The following SLC2A13 variants were observed in gnomAD, a reference collection of about 807,000 sequenced individuals.
The protein encoded by SLC2A13 is solute carrier family 2 member 13, also known as proton myo-inositol cotransporter.
A neutral mutation model predicts 64.4 loss-of-function variants in SLC2A13; 32 were observed. The ratio of observed to expected loss-of-function variants is 0.50; its 90% CI spans 0.37 to 0.67. The LOEUF is 0.67. Ranked by LOEUF, SLC2A13 falls within the 30% of genes least tolerant of loss-of-function variation. SLC2A13 has a pLI of 0.00. For missense variants in SLC2A13, 743 were observed against 829.2 expected (o/e 0.90, Z 1.28); for synonymous variants, 338 against 327.1 (o/e 1.03, Z -0.36).
chr12:39,997,208 A>G (rs1430594986), intron 3 of SLC2A13, among the ~76,000 whole-genome samples: 1 of 152,230 alleles, frequency 6.6e-6, no homozygotes, highest in Non-Finnish European at 1.5e-5. Context: ...ATGGAACAGA[A>G]TAGAGAACCC....
At chr12:39,941,184 T>C (rs1946018941) in intron 4 of SLC2A13, among the ~76,000 whole-genome samples, 1 of 152,146 alleles carries the variant, frequency 6.6e-6, no homozygotes, top group Admixed American at 6.5e-5. Flanking sequence ...GATGGGCATT[T>C]GGGTTGGTCC....
At chr12:40,059,567 A>G (rs577962953) in intron 1 of SLC2A13, among the ~76,000 whole-genome samples, 7 of 152,158 alleles carry the variant, frequency 4.6e-5, no homozygotes, top group Non-Finnish European at 7.4e-5. Flanking sequence ...GATGAAGGAT[A>G]TAGATGAAGA....
chr12:39,775,402 T>C (rs1023764713), intron 7 of SLC2A13, among the ~76,000 whole-genome samples: 7 of 152,246 alleles, frequency 4.6e-5, no homozygotes, highest in Admixed American at 2.0e-4. Flanking sequence ...GGCCTACTTC[T>C]GCCTCTCCAG....
intron 4 of SLC2A13, 34 bp from the exon 5 acceptor site, chr12:39,871,995 T>G: frequency 6.7e-7 from 1 of 1,485,554 alleles, no homozygotes. Context: ...TTGCTATTGA[T>G]AGTTACCCAA....
At chr12:39,978,562 G>T (rs12813370) in intron 3 of SLC2A13, among the ~76,000 whole-genome samples, 3 of 152,128 alleles carry the variant, frequency 2.0e-5, no homozygotes, top group Non-Finnish European at 4.4e-5. Context: ...AAGGGGTGAC[G>T]GATGCACCTG....
chr12:39,851,848 C>T (rs1239426660), intron 6 of SLC2A13, among the ~76,000 whole-genome samples: 2 of 152,120 alleles, frequency 1.3e-5, no homozygotes, highest in East Asian at 1.9e-4. Context: ...TTCCCTGTGT[C>T]AAGAATTTTT....
intron 1 of SLC2A13, among the ~76,000 whole-genome samples, chr12:40,103,733 A>C (rs563708869): frequency 1.3e-5 from 2 of 152,336 alleles, no homozygotes; most frequent in South Asian, 4.1e-4. Context: ...GCAACAAAAA[A>C]GGTCCAGATG....
At chr12:39,859,690 T>A (rs1285423111) in intron 6 of SLC2A13, among the ~76,000 whole-genome samples, 1 of 151,348 alleles carries the variant, frequency 6.6e-6, no homozygotes, top group Non-Finnish European at 1.5e-5. Flanking sequence ...ACCTGGCTAA[T>A]TTTTTTTTGT....
At chr12:39,921,625 A>G (rs948280964) in intron 4 of SLC2A13, among the ~76,000 whole-genome samples, 1 of 152,134 alleles carries the variant, frequency 6.6e-6, no homozygotes, top group African/African-American at 2.4e-5. Flanking sequence ...TTTATGTTCT[A>G]TTTTAAGTTG....
chr12:39,788,457 G>A (rs942458459), intron 7 of SLC2A13: 5 of 152,130 alleles, frequency 3.3e-5, no homozygotes, highest in Non-Finnish European at 7.4e-5. Context: ...TGGACAAAGG[G>A]ATGATTCACA....
chr12:39,769,807 T>A (rs1459714034), intron 7 of SLC2A13, among the ~76,000 whole-genome samples: 1 of 152,060 alleles, frequency 6.6e-6, no homozygotes, highest in East Asian at 1.9e-4. Flanking sequence ...CAGAAGTTTA[T>A]ACTCACGAGC....
chr12:39,818,192 A>G (rs559478058), intron 7 of SLC2A13, among the ~76,000 whole-genome samples: 2 of 152,248 alleles, frequency 1.3e-5, no homozygotes, highest in South Asian at 4.1e-4. Context: ...ATACCCACAG[A>G]GTTCCTAAAA....
chr12:40,061,187 C>G (rs1365983988), intron 1 of SLC2A13, among the ~76,000 whole-genome samples: 2 of 151,906 alleles, frequency 1.3e-5, no homozygotes, highest in Non-Finnish European at 2.9e-5. Flanking sequence ...AGAGAAGCAG[C>G]AGCATAAATA....
At chr12:39,896,212 A>G (rs531990527) in intron 4 of SLC2A13, among the ~76,000 whole-genome samples, 1 of 148,526 alleles carries the variant, frequency 6.7e-6, no homozygotes, top group South Asian at 2.1e-4. Context: ...ATACATGTAT[A>G]TACGTATACA....
At chr12:39,775,301 G>A (rs528494142) in intron 7 of SLC2A13, among the ~76,000 whole-genome samples, 1 of 152,318 alleles carries the variant, frequency 6.6e-6, no homozygotes, top group Non-Finnish European at 1.5e-5. Flanking sequence ...GAAGTCTTAG[G>A]TAACGTAAGT....
intron 3 of SLC2A13, among the ~76,000 whole-genome samples, chr12:40,003,023 A>C (rs1947345776): frequency 6.6e-6 from 1 of 152,218 alleles, no homozygotes. Context: ...TCACTGGCTC[A>C]GTGCCCTGCT....
At chr12:39,981,474 T>TA (rs1946896141) in intron 3 of SLC2A13, among the ~76,000 whole-genome samples, 1 of 150,306 alleles carries the variant, frequency 6.7e-6, no homozygotes, top group Non-Finnish European at 1.5e-5. Flanking sequence ...ATGGACACAA[T>TA]AAAAAATGAT....
At chr12:39,980,792 A>C (rs1018655687) in intron 3 of SLC2A13, among the ~76,000 whole-genome samples, 1 of 152,162 alleles carries the variant, frequency 6.6e-6, no homozygotes, top group African/African-American at 2.4e-5. Context: ...AAGGATACCC[A>C]GGAATTGAAC....
intron 4 of SLC2A13, among the ~76,000 whole-genome samples, chr12:39,908,989 A>C (rs1790809060): frequency 6.7e-6 from 1 of 149,512 alleles, no homozygotes; most frequent in Non-Finnish European, 1.5e-5. Flanking sequence ...AAGCATAAAG[A>C]AAGAGTTTTT....
Sources: allele counts gnomAD v4.1 joint callset (sites outside exome capture counted in the v4.1 genomes callset), GRCh38; gene constraint gnomAD v4.1.1; transcripts MANE v1.5; gene names NCBI Gene and HGNC (gene_info 2026-07-23, HGNC 2026-07-21).